CRYBG1: variants seen among roughly 807,000 people sequenced by gnomAD.
CRYBG1 encodes the protein beta/gamma crystallin domain-containing protein 1.
In CRYBG1, 139 loss-of-function variants were observed where a neutral mutation model predicts 189.2. The observed-to-expected ratio is 0.73, with a 90% confidence interval of 0.64 to 0.85. CRYBG1 has a LOEUF of 0.85. CRYBG1 is among the 40% of genes least tolerant of loss of function. The probability of loss-of-function intolerance (pLI) is 0.00; values close to 1 mark genes in which losing one functional copy is unlikely to be tolerated. For synonymous variants in CRYBG1, 1,023 were observed against 1,017.1 expected (o/e 1.01, Z -0.11); for missense variants, 2,611 against 2,675.8 (o/e 0.98, Z 0.53).
At chr6:106,422,372 C>T (rs947421304) in intron 1 of CRYBG1, among the ~76,000 whole-genome samples, 5 of 102,080 alleles carry the variant, frequency 4.9e-5, no homozygotes. Flanking sequence ...CACTTGGTCA[C>T]CTAGGCTGGA....
chr6:106,532,041 C>T (rs1344226338), intron 8 of CRYBG1, among the ~76,000 whole-genome samples: 2 of 152,094 alleles, frequency 1.3e-5, no homozygotes, highest in Admixed American at 6.5e-5. Context: ...TTAATTGACA[C>T]ATAATAATTG....
chr6:106,370,693 G>A (rs1165585027), intron 1 of CRYBG1, among the ~76,000 whole-genome samples: 1 of 152,168 alleles, frequency 6.6e-6, no homozygotes, highest in African/African-American at 2.4e-5. Flanking sequence ...GGTAATGCAG[G>A]TGGAGGAAGC....
chr6:106,372,178 T>G (rs539480048), intron 1 of CRYBG1, among the ~76,000 whole-genome samples: 1 of 152,306 alleles, frequency 6.6e-6, no homozygotes, highest in Non-Finnish European at 1.5e-5. Flanking sequence ...TTAATGCCAC[T>G]CCATAACTGA....
In CRYBG1 at chr6:106,452,248, A is replaced by AGG. The variant is rs1771797807; in HGVS notation, c.312+416_312+417insGG. 2.1e-5 allele frequency among the ~76,000 whole-genome samples: 3 copies of AGG among 145,032 alleles called. No homozygotes were observed. In the South Asian group the frequency reaches 6.4e-4, roughly 31 times the overall value. On this transcript the variant is annotated intron_variant, in intron 2 of 21. Coordinates refer to ENST00000633556, the MANE Select transcript of CRYBG1 (RefSeq NM_001371242.2). ...ATGATGAAACCCAGACTCTACTAAA[A>AGG]AAAAAAAAAAAAAAAAACAAAAAAA...
chr6:106,528,247 A>C (rs1773798170), intron 7 of CRYBG1, among the ~76,000 whole-genome samples: 1 of 152,156 alleles, frequency 6.6e-6, no homozygotes, highest in African/African-American at 2.4e-5. Context: ...ATGCTAAATG[A>C]TTTATCTTTT....
At chr6:106,389,265 G>C (rs1341554343) in intron 1 of CRYBG1, among the ~76,000 whole-genome samples, 2 of 151,980 alleles carry the variant, frequency 1.3e-5, no homozygotes, top group Admixed American at 6.5e-5. Context: ...TTATTCTTTT[G>C]TGGAATGTTC....
chr6:106,550,358 GGATCATGA>G (rs1774367752), intron 13 of CRYBG1, among the ~76,000 whole-genome samples: 1 of 152,114 alleles, frequency 6.6e-6, no homozygotes, highest in Non-Finnish European at 1.5e-5. Flanking sequence ...AGCTTTGAGA[GGATCATGA>G]GAATGATGAA....
intron 4 of CRYBG1, among the ~76,000 whole-genome samples, chr6:106,523,722 C>A (rs1283781647): frequency 7.2e-6 from 1 of 139,642 alleles, no homozygotes; most frequent in Non-Finnish European, 1.6e-5. Flanking sequence ...CTAGGGGGGC[C>A]CTTATGGCCT....
intron 2 of CRYBG1, among the ~76,000 whole-genome samples, chr6:106,481,572 C>CGG (rs1554185432): frequency 0.075 from 11,355 of 152,074 alleles, 671 homozygotes; most frequent in African/African-American, 0.15. Flanking sequence ...TTTGTTCTTC[C>CGG]GTCCCTCTCC....
At chr6:106,472,920 A>T (rs1160996026) in intron 2 of CRYBG1, among the ~76,000 whole-genome samples, 1 of 151,496 alleles carries the variant, frequency 6.6e-6, no homozygotes, top group Non-Finnish European at 1.5e-5. Flanking sequence ...AAAAAAAAAA[A>T]AAAAAGAAAG....
chr6:106,430,078 A>G (rs1475472653), intron 1 of CRYBG1, among the ~76,000 whole-genome samples: 2 of 152,182 alleles, frequency 1.3e-5, no homozygotes, highest in African/African-American at 4.8e-5. Context: ...GCTTAGAACA[A>G]CTGGATTTTC....
chr6:106,433,754 T>G (rs1582760126), intron 1 of CRYBG1, among the ~76,000 whole-genome samples: 1 of 28,730 alleles, frequency 3.5e-5, no homozygotes, highest in Non-Finnish European at 6.8e-5. Context: ...TGTATATATA[T>G]ATGTGTATAT....
rs1331740522 is a variant in CRYBG1 at position 106,418,874 on chromosome 6, G to A, written c.174-32820G>A. Among the ~76,000 whole-genome samples, 4 of 152,190 alleles carry A rather than the reference G, an allele frequency of 2.6e-5. No homozygotes were observed. The East Asian group carries it at 7.7e-4, about 29-fold the overall frequency. On this transcript the variant is annotated intron_variant, in intron 1 of 21. Coordinates refer to ENST00000633556, the MANE Select transcript of CRYBG1 (RefSeq NM_001371242.2). The stretch of plus-strand genomic sequence containing the variant: ...GAGGGGCACCCGAGTGGGTCTTCTG[G>A]TCCCATGGTAAAGTGCACGGGGTTT...
intron 2 of CRYBG1, among the ~76,000 whole-genome samples, chr6:106,458,551 A>T (rs1480700569): frequency 1.3e-5 from 2 of 152,190 alleles, no homozygotes; most frequent in Non-Finnish European, 2.9e-5. Context: ...GTATGACTGG[A>T]ACATTATTTA....
intron 17 of CRYBG1, among the ~76,000 whole-genome samples, chr6:106,556,724 C>G (rs1774556509): frequency 6.6e-6 from 1 of 152,136 alleles, no homozygotes; most frequent in Non-Finnish European, 1.5e-5. Flanking sequence ...TTTAAACACA[C>G]GTAATTGCTC....
intron 1 of CRYBG1, among the ~76,000 whole-genome samples, chr6:106,417,167 A>ATT (rs67346531): frequency 1.3e-5 from 2 of 150,810 alleles, no homozygotes; most frequent in Non-Finnish European, 3.0e-5. Flanking sequence ...ATGCTCAGTT[A>ATT]TTTTTTTTTA....
At chr6:106,527,827 G>A (rs1773777672) in intron 7 of CRYBG1, among the ~76,000 whole-genome samples, 3 of 152,034 alleles carry the variant, frequency 2.0e-5, no homozygotes, top group Non-Finnish European at 4.4e-5. Flanking sequence ...ACTTTGAGTG[G>A]TTTATAGGAA....
At chr6:106,509,286 A>G (rs1773195386) in intron 2 of CRYBG1, among the ~76,000 whole-genome samples, 1 of 152,230 alleles carries the variant, frequency 6.6e-6, no homozygotes, top group African/African-American at 2.4e-5. Context: ...CTGACCCATA[A>G]GGATAGCTCA....
chr6:106,405,386 AG>A (rs890618223), intron 1 of CRYBG1, among the ~76,000 whole-genome samples: 1 of 152,210 alleles, frequency 6.6e-6, no homozygotes, highest in African/African-American at 2.4e-5. Flanking sequence ...AGCCCCAGTC[AG>A]GGGCTTATAG....
Sources: allele counts gnomAD v4.1 joint callset (sites outside exome capture counted in the v4.1 genomes callset), GRCh38; gene constraint gnomAD v4.1.1; transcripts MANE v1.5; gene names NCBI Gene and HGNC (gene_info 2026-07-23, HGNC 2026-07-21).